DCLK1: variants seen among roughly 807,000 people sequenced by gnomAD.
The protein encoded by DCLK1 is serine/threonine-protein kinase DCLK1.
Under a neutral mutation model 86.2 loss-of-function variants are expected in DCLK1, and 16 were observed. That is an observed-to-expected ratio of 0.19 (90% confidence interval 0.13 to 0.28). DCLK1 has a LOEUF of 0.28. Ranked by LOEUF, DCLK1 falls within the 10% of genes least tolerant of loss-of-function variation. The probability of loss-of-function intolerance (pLI) is 1.00; values close to 1 mark genes in which losing one functional copy is unlikely to be tolerated. For missense variants in DCLK1, 590 were observed against 940.2 expected, an observed-to-expected ratio of 0.63 and a Z score of 4.87; for synonymous variants, 369 against 370.5, an observed-to-expected ratio of 1.00 and a Z score of 0.05.
intron 4 of DCLK1, among the ~76,000 whole-genome samples, chr13:35,925,737 T>C (rs145203243): frequency 6.6e-6 from 1 of 152,310 alleles, no homozygotes; most frequent in African/African-American, 2.4e-5. Flanking sequence ...TTATTCTTAT[T>C]TTGGATAGAT....
chr13:35,858,535 G>A (rs944799987), intron 5 of DCLK1, among the ~76,000 whole-genome samples: 1 of 152,090 alleles, frequency 6.6e-6, no homozygotes, highest in African/African-American at 2.4e-5. Context: ...TCCCATGAGT[G>A]GCTGGTCCTG....
intron 10 of DCLK1, among the ~76,000 whole-genome samples, chr13:35,825,875 C>T (rs1282775677): frequency 1.3e-5 from 2 of 151,502 alleles, no homozygotes; most frequent in Non-Finnish European, 1.5e-5. Context: ...TGCAATGGCG[C>T]GATCTTGGCT....
At chr13:36,043,389 T>C (rs191006258) in intron 3 of DCLK1, among the ~76,000 whole-genome samples, 4 of 151,504 alleles carry the variant, frequency 2.6e-5, no homozygotes, top group East Asian at 1.9e-4. Context: ...AATTAAGACA[T>C]AGAAAATATG....
intron 3 of DCLK1, among the ~76,000 whole-genome samples, chr13:36,084,255 G>C (rs1489341657): frequency 6.6e-6 from 1 of 152,144 alleles, no homozygotes; most frequent in Non-Finnish European, 1.5e-5. Flanking sequence ...ACAGACAGTA[G>C]CTCGGTTTGT....
At chr13:36,110,411 T>C (rs761138318) in intron 3 of DCLK1, among the ~76,000 whole-genome samples, 1 of 152,142 alleles carries the variant, frequency 6.6e-6, no homozygotes, top group Non-Finnish European at 1.5e-5. Context: ...GCAAGGGTTA[T>C]AAGCCAAGCA....
chr13:36,075,219 A>G (rs888850524), intron 3 of DCLK1, among the ~76,000 whole-genome samples: 8 of 152,228 alleles, frequency 5.3e-5, no homozygotes, highest in African/African-American at 1.9e-4. Flanking sequence ...GCGTGGTTTT[A>G]AATTCCTTCC....
rs562948199 is a variant in DCLK1 at position 35,847,881 on chromosome 13, T to C, written c.1035+6618A>G. On this transcript the variant is annotated intron_variant, in intron 6 of 16. Coordinates refer to ENST00000360631, the MANE Select transcript of DCLK1 (RefSeq NM_001330071.2). ...ATTCTATGGCAGTACAGAAACTGTC[T>C]AGATTTTTCCCCCTGCCTAGTTGAT... is the stretch of plus-strand genomic sequence containing the variant. 7.2e-5 allele frequency: 71 copies of C among 985,318 alleles called. No homozygotes were observed. The Middle Eastern group carries it at 3.1e-3, about 44-fold the overall frequency. The allele number at this position is 985,318 out of a possible 1,614,324, so 61.0% of individuals were successfully genotyped here. A position where few individuals can be genotyped will look rare whatever the true frequency, so the allele number is the denominator to read the frequency against.
At chr13:35,972,801 G>A (rs1879136754) in intron 3 of DCLK1, among the ~76,000 whole-genome samples, 1 of 152,108 alleles carries the variant, frequency 6.6e-6, no homozygotes, top group African/African-American at 2.4e-5. Context: ...GACCATCATG[G>A]CTCAAGCACA....
rs114243901 is a variant in DCLK1, at chr13:36,004,521, T to C, written c.724-57064A>G. Among the ~76,000 whole-genome samples the C allele has an allele frequency of 5.3e-3, 812 of 152,318 alleles. 6 individuals are homozygous for C. The highest frequency in any genetic ancestry group is 0.019 in the African/African-American group (772 of 41,574). On this transcript the variant is annotated intron_variant, in intron 3 of 16. Coordinates refer to ENST00000360631, the MANE Select transcript of DCLK1 (RefSeq NM_001330071.2). ...TACAACAAGAAAATTAATAAATTCA[T>C]GTTATCTTAAGAAGAGAATACTCAG...
intron 3 of DCLK1, among the ~76,000 whole-genome samples, chr13:36,060,885 G>C (rs928796740): frequency 6.6e-6 from 1 of 152,132 alleles, no homozygotes; most frequent in East Asian, 1.9e-4. Flanking sequence ...AGAATGCCGT[G>C]TCTGCAGGAA....
chr13:35,940,942 C>T (rs1159827947), intron 4 of DCLK1, among the ~76,000 whole-genome samples: 22 of 152,152 alleles, frequency 1.4e-4, no homozygotes, highest in Non-Finnish European at 8.8e-5. Context: ...TGTCATTCCC[C>T]AGCATCGTTC....
At position 36,097,850 on chromosome 13, in the gene DCLK1, C is replaced by CA. The variant is rs879496156; in HGVS notation, c.723+14018dup. Among the ~76,000 whole-genome samples, 982 of 140,974 alleles carry CA rather than the reference C, an allele frequency of 7.0e-3. 7 individuals are homozygous for CA. Among genetic ancestry groups the CA allele is most frequent in the African/African-American group, 0.022 (846 of 38,636 alleles). The allele number at this position is 140,974 out of a possible 152,430, so 92.5% of individuals were successfully genotyped here. ...AGCAATAAATTGTGAGCATTCTTACCAAAAAAAAAAAGATGCACATGAATT... is the reference window on the plus strand; with the variant it reads ...AGCAATAAATTGTGAGCATTCTTACCAAAAAAAAAAAAGATGCACATGAATT... On this transcript the variant is annotated intron_variant, in intron 3 of 16. Coordinates refer to ENST00000360631, the MANE Select transcript of DCLK1 (RefSeq NM_001330071.2).
At chr13:36,089,930 A>G (rs971470270) in intron 3 of DCLK1, among the ~76,000 whole-genome samples, 3 of 152,202 alleles carry the variant, frequency 2.0e-5, no homozygotes, top group Non-Finnish European at 4.4e-5. Flanking sequence ...GAGGATTAAC[A>G]AATCTTAGTA....
intron 3 of DCLK1, among the ~76,000 whole-genome samples, chr13:36,037,925 A>G (rs1882567041): frequency 6.6e-6 from 1 of 152,212 alleles, no homozygotes; most frequent in Non-Finnish European, 1.5e-5. Flanking sequence ...CCAAGGTTCC[A>G]TGGGTATGGC....
intron 16 of DCLK1, chr13:35,788,245 T>C: frequency 6.2e-7 from 1 of 1,613,958 alleles, no homozygotes; most frequent in Non-Finnish European, 8.5e-7. Context: ...CTGGTAGTAG[T>C]CCAAAGACCC....
At chr13:36,131,844 G>T (rs576746799), upstream of DCLK1, among the ~76,000 whole-genome samples, 262 of 152,192 alleles carry the variant, frequency 1.7e-3, no homozygotes, top group Non-Finnish European at 2.4e-3. Flanking sequence ...CATCCTTTTT[G>T]CCCGGGATGC....
intron 4 of DCLK1, among the ~76,000 whole-genome samples, chr13:35,911,370 C>T (rs1451471897): frequency 2.0e-5 from 3 of 152,058 alleles, no homozygotes; most frequent in Admixed American, 2.0e-4. Context: ...ACCATTGCTG[C>T]TCCAAGCAAT....
intron 5 of DCLK1, among the ~76,000 whole-genome samples, chr13:35,867,949 G>GAAAGAAA (rs1555345746): frequency 6.5e-4 from 92 of 140,756 alleles, no homozygotes; most frequent in African/African-American, 2.3e-3. Flanking sequence ...AAGAAAGAAA[G>GAAAGAAA]AAAGAAAGAA....
intron 3 of DCLK1, among the ~76,000 whole-genome samples, chr13:35,972,448 G>C (rs1284336177): frequency 1.3e-5 from 2 of 152,096 alleles, no homozygotes; most frequent in Non-Finnish European, 2.9e-5. Flanking sequence ...CACTACCTCA[G>C]AGCTACACAC....
Sources: allele counts gnomAD v4.1 joint callset (sites outside exome capture counted in the v4.1 genomes callset), GRCh38; gene constraint gnomAD v4.1.1; transcripts MANE v1.5; gene names NCBI Gene and HGNC (gene_info 2026-07-23, HGNC 2026-07-21).